The following COL4A5 variants were observed in gnomAD, a reference collection of about 807,000 sequenced individuals.
COL4A5 encodes the protein collagen type IV alpha 5 chain.
A neutral mutation model predicts 130.2 loss-of-function variants in COL4A5; 26 were observed. The ratio of observed to expected loss-of-function variants is 0.20; its 90% CI spans 0.15 to 0.28. The LOEUF (loss-of-function observed/expected upper bound fraction) is 0.28, where lower values mean the gene tolerates loss of function less well. COL4A5 is among the 10% of genes least tolerant of loss of function. The pLI is 1.00. For synonymous variants in COL4A5, 496 were observed against 439.6 expected (o/e 1.13, Z -1.60); for missense variants, 1,131 against 1,344.3 (o/e 0.84, Z 2.48).
At chrX:108,447,310 C>T (rs776013617) in intron 1 of COL4A5, among the ~76,000 whole-genome samples, 1 of 111,407 alleles carries the variant, frequency 9.0e-6, no homozygotes, top group Admixed American at 9.6e-5. Flanking sequence ...CCTCAATTCC[C>T]TCTTTTTAGA....
intron 21 of COL4A5, 119 bp downstream of exon 21, chrX:108,591,763 C>A: frequency 1.8e-6 from 1 of 560,908 alleles, no homozygotes; most frequent in Non-Finnish European, 3.1e-6. Context: ...ACCCCAAGAC[C>A]ATCTCATTAC....
rs1190739935 is a variant in COL4A5, at chrX:108,494,591, A to AT, written c.82-45143dup. ...TTTGGTTTTATAAATTAAAGGCCTG[A>AT]TTTTTTTTTTTTCAGTGCACTTCTA... On this transcript the variant is annotated intron_variant, in intron 1 of 52. Coordinates refer to ENST00000328300, the MANE Select transcript of COL4A5 (RefSeq NM_033380.3). Among the ~76,000 whole-genome samples, 193 of 104,307 alleles carry AT rather than the reference A, an allele frequency of 1.9e-3. 1 individual carries two copies. Among genetic ancestry groups the AT allele is most frequent in the Admixed American group, 4.3e-3 (42 of 9,705 alleles). The allele number at this position is 104,307 out of a possible 115,157, so 90.6% of individuals were successfully genotyped here.
intron 41 of COL4A5, among the ~76,000 whole-genome samples, chrX:108,669,706 C>T (rs1030985482): frequency 1.8e-5 from 2 of 111,828 alleles, no homozygotes; most frequent in African/African-American, 3.2e-5. Flanking sequence ...TGTGGTTATT[C>T]GTTCTTACTA....
chrX:108,692,996 C>A, intron 50 of COL4A5, 71 bp downstream of exon 50: 2 of 1,089,340 alleles, frequency 1.8e-6, no homozygotes, highest in Non-Finnish European at 1.3e-6. Context: ...GAGTCCAAAG[C>A]TAACAATCTG....
intron 6 of COL4A5, among the ~76,000 whole-genome samples, chrX:108,569,531 C>T (rs1251728424): frequency 8.1e-5 from 9 of 110,593 alleles, no homozygotes; most frequent in Non-Finnish European, 1.5e-4. Flanking sequence ...TTATTCCCTC[C>T]CCTTTCTCCT....
In COL4A5 at chrX:108,692,656, T is replaced by C. The variant is rs768495300; in HGVS notation, c.4529-92T>C. ...TTATTACCTATGAAAGGCTGGCAAG[T>C]TTCCTTGAAAGGCTGTTTGCTATTG... On this transcript the variant is annotated intron_variant, in intron 49 of 52. Transcript: ENST00000328300. 6.4e-5 allele frequency: 54 copies of C among 840,498 alleles called. No individual in the cohort carries two copies. The East Asian group carries it at 1.7e-3, about 26-fold the overall frequency. The allele number at this position is 840,498 out of a possible 1,213,427, so 69.3% of individuals were successfully genotyped here. A position where few individuals can be genotyped will look rare whatever the true frequency, so the allele number is the denominator to read the frequency against.
chrX:108,625,751 A>C lies in COL4A5; in HGVS notation c.3063A>C (p.Gly1021=). 5.0e-6 allele frequency: 6 copies of C among 1,208,679 alleles called. No individual in the cohort carries two copies. Among genetic ancestry groups the C allele is most frequent in the Non-Finnish European group, 6.7e-6 (6 of 893,057 alleles). ...PGLPGQPGLI[G]PPGLKGTIGD... is the part of the protein sequence containing the mutation. ...TCCCTGGACAGCCAGGTCTTATAGG[A>C]CCTCCTGGACTTAAAGGAACCATCG... The change falls in exon 35 of 53, where the codon GGA becomes GGC. Residue 1021 remains glycine (G), a synonymous_variant. Transcript: ENST00000328300.
In COL4A5 at chrX:108,665,556, C is replaced by A; in HGVS notation, c.3423C>A (p.Asn1141Lys). 8.3e-7 allele frequency: 1 copy of A among 1,207,643 alleles called. No individual in the cohort carries two copies. Among genetic ancestry groups the A allele is most frequent in the Non-Finnish European group, 1.1e-6 (1 of 892,225 alleles). Residue 1141 changes from asparagine (N) to lysine (K), a missense_variant, in exon 38 of 53, where the codon AAC becomes AAA. Coordinates refer to ENST00000328300, the MANE Select transcript of COL4A5 (RefSeq NM_033380.3). ...AAGGTATTAGTGGCCCTCCTGGGAA[C>A]CCCGGCCTTCCAGGAGAACCTGGTC... ...GPKGISGPPG[N>K]PGLPGEPGPV... is the part of the protein sequence containing the mutation.
intron 1 of COL4A5, among the ~76,000 whole-genome samples, chrX:108,505,252 T>TA (rs57392649): frequency 0.13 from 13,494 of 100,604 alleles, 863 homozygotes; most frequent in Non-Finnish European, 0.19. Context: ...CGGTGAGGGA[T>TA]AAAAAAAAAA....
chrX:108,568,919 G>A, intron 6 of COL4A5, 98 bp downstream of exon 6: 1 of 713,465 alleles, frequency 1.4e-6, no homozygotes, highest in Non-Finnish European at 2.2e-6. Flanking sequence ...AAGGGATATA[G>A]TGTCTTCAGG....
At chrX:108,581,898 T>C (rs1223734322) in intron 16 of COL4A5, among the ~76,000 whole-genome samples, 3 of 110,173 alleles carry the variant, frequency 2.7e-5, no homozygotes, top group African/African-American at 6.6e-5. Flanking sequence ...GTGAACATGT[T>C]TTTTCAGTAA....
chrX:108,510,260 A>G (rs973315726), intron 1 of COL4A5, among the ~76,000 whole-genome samples: 8 of 111,660 alleles, frequency 7.2e-5, no homozygotes, highest in Non-Finnish European at 7.5e-5. Context: ...CCGTGACAAG[A>G]CTTTACCAAT....
intron 1 of COL4A5, among the ~76,000 whole-genome samples, chrX:108,469,135 G>A (rs1199175079): frequency 1.0e-5 from 1 of 98,104 alleles, no homozygotes; most frequent in African/African-American, 3.7e-5. Flanking sequence ...ATTTACTGGT[G>A]TATGATTTTT....
At chrX:108,591,451 A>ATT in intron 20 of COL4A5, 110 bp from the exon 21 acceptor site, 1 of 693,777 alleles carries the variant, frequency 1.4e-6, no homozygotes, top group Non-Finnish European at 2.3e-6. Flanking sequence ...GCTTATAGGT[A>ATT]CTTTTATTTC....
chrX:108,686,238 A>G lies in COL4A5; in HGVS notation c.4315+109A>G, dbSNP rs1489449472. On this transcript the variant is annotated intron_variant, in intron 48 of 52. Transcript: ENST00000328300. ...TGTGAGATCTTCTCTTGATGTTAGC[A>G]TAGCTGACTGGTGAATGTGGACCTG... is the stretch of plus-strand genomic sequence containing the variant. 5.2e-5 allele frequency: 31 copies of G among 593,321 alleles called. 1 individual carries two copies. Among genetic ancestry groups the G allele is most frequent in the Non-Finnish European group, 2.0e-5 (7 of 352,289 alleles). 48.9% of individuals were successfully genotyped at this position (593,321 alleles called of 1,213,427 possible).
rs185742086 is a variant in COL4A5 at position 108,661,683 on chromosome X, G to T, written c.3374-3824G>T. 1.1e-4 allele frequency among the ~76,000 whole-genome samples: 12 copies of T among 111,053 alleles called. 1 individual carries two copies. The highest frequency in any genetic ancestry group is 1.1e-3 in the Admixed American group (11 of 10,382). On this transcript the variant is annotated intron_variant, in intron 37 of 52. Transcript: ENST00000328300. ...AATGATATGGATAGTATGGTATAAA[G>T]ATTCTGGATTCTATTAAATTTCTTG... is the stretch of plus-strand genomic sequence containing the variant.
intron 2 of COL4A5, among the ~76,000 whole-genome samples, chrX:108,548,425 A>G (rs1329712004): frequency 2.7e-5 from 3 of 111,645 alleles, no homozygotes; most frequent in African/African-American, 6.5e-5. Context: ...CACTGAAGAG[A>G]AAATGAAAAA....
intron 36 of COL4A5, chrX:108,627,526 C>T (rs187839674): frequency 2.0e-5 from 14 of 710,656 alleles, no homozygotes; most frequent in Middle Eastern, 8.1e-4. Flanking sequence ...TTTTCTTTGT[C>T]GTCATACATT....
intron 36 of COL4A5, among the ~76,000 whole-genome samples, chrX:108,635,977 AG>A (rs1569501110): frequency 1.8e-5 from 2 of 112,181 alleles, no homozygotes; most frequent in Admixed American, 9.5e-5. Flanking sequence ...TATTCCCAAA[AG>A]GGGTAAGGAG....
Sources: gnomAD v4.1 joint callset for allele counts (sites outside exome capture counted in the v4.1 genomes callset) on GRCh38, gnomAD v4.1.1 for gene constraint, MANE v1.5 for transcripts, NCBI Gene and HGNC (gene_info 2026-07-23, HGNC 2026-07-21) for gene names.